The following ST8SIA1 variants were observed in gnomAD, a reference collection of about 807,000 sequenced individuals.
ST8SIA1 encodes alpha-N-acetylneuraminide alpha-2,8-sialyltransferase.
A neutral mutation model predicts 35.9 loss-of-function variants in ST8SIA1; 16 were observed. The observed-to-expected ratio is 0.45, with a 90% CI of 0.30 to 0.68. The LOEUF is 0.68. ST8SIA1 is among the 30% of genes least tolerant of loss of function. The pLI, the probability that ST8SIA1 is intolerant of heterozygous loss-of-function variation, is 0.09. For synonymous variants in ST8SIA1, 170 were observed against 169.6 expected (o/e 1.00, Z -0.02); for missense variants, 383 against 453.6 (o/e 0.84, Z 1.41).
intron 4 of ST8SIA1, among the ~76,000 whole-genome samples, chr12:22,235,045 G>A (rs1448729233): frequency 6.6e-6 from 1 of 152,154 alleles, no homozygotes; most frequent in Non-Finnish European, 1.5e-5. Flanking sequence ...GCACGTGTGT[G>A]AGCGCATGTA....
In ST8SIA1 at chr12:22,260,874, G is replaced by GTTT. The variant is rs757887864; in HGVS notation, c.382-5488_382-5486dup. On this transcript the variant is annotated intron_variant, in intron 2 of 4. Transcript: ENST00000396037. Reference sequence around the variant, plus strand: ...AATTTCAAAGATTTATATAGTTGTTGTTTTTTTTTTTTTTTTTTTTGAGAC... The same window carrying GTTT: ...AATTTCAAAGATTTATATAGTTGTTGTTTTTTTTTTTTTTTTTTTTTTTGAGAC... Among the ~76,000 whole-genome samples, 384 of 114,244 alleles carry GTTT rather than the reference G, an allele frequency of 3.4e-3. 1 individual carries two copies. Among genetic ancestry groups the GTTT allele is most frequent in the East Asian group, 5.7e-3 (21 of 3,708 alleles). The allele number at this position is 114,244 out of a possible 152,430, so 74.9% of individuals were successfully genotyped here.
intron 4 of ST8SIA1, among the ~76,000 whole-genome samples, chr12:22,210,222 CATAAAAG>C (rs1298995965): frequency 6.6e-6 from 1 of 151,822 alleles, no homozygotes; most frequent in Non-Finnish European, 1.5e-5. Flanking sequence ...ATATACATAT[CATAAAAG>C]ATAAAGATAG....
chr12:22,234,362 T>G (rs116739939), intron 4 of ST8SIA1, among the ~76,000 whole-genome samples: 1,546 of 152,310 alleles, frequency 0.01, 21 homozygotes, highest in African/African-American at 0.035. Context: ...AGTCCTGTAC[T>G]AGTCTCTTCT....
At chr12:22,226,088 A>G (rs1865354460) in intron 4 of ST8SIA1, among the ~76,000 whole-genome samples, 1 of 152,200 alleles carries the variant, frequency 6.6e-6, no homozygotes, top group Non-Finnish European at 1.5e-5. Flanking sequence ...TTTGACTCTC[A>G]GCTGTAGTGC....
rs1245722671 is a variant in ST8SIA1 at position 22,194,242 on chromosome 12, T to G, written c.*7310A>C. 6.6e-6 allele frequency: 1 copy of G among 152,148 alleles called. No individual in the cohort carries two copies. The highest frequency in any genetic ancestry group is 1.5e-5 in the Non-Finnish European group (1 of 68,036). 9.4% of individuals were successfully genotyped at this position (152,148 alleles called of 1,614,324 possible). On this transcript the variant is annotated 3_prime_UTR_variant, in exon 5 of 5. Transcript: ENST00000396037. Reference sequence around the variant, plus strand: ...GTGCTCAAGACTGAATGATAAACAGTGACAGATTGATTCCTTGCTTCCGGT... The same window carrying G: ...GTGCTCAAGACTGAATGATAAACAGGGACAGATTGATTCCTTGCTTCCGGT...
At chr12:22,245,119 G>A (rs939437498) in intron 4 of ST8SIA1, among the ~76,000 whole-genome samples, 3 of 151,908 alleles carry the variant, frequency 2.0e-5, no homozygotes, top group Admixed American at 6.6e-5. Context: ...TGCTATTCTC[G>A]GCATATTTCT....
chr12:22,288,549 T>C (rs1482674927), intron 1 of ST8SIA1, among the ~76,000 whole-genome samples: 1 of 152,194 alleles, frequency 6.6e-6, no homozygotes, highest in Non-Finnish European at 1.5e-5. Flanking sequence ...CCCCGCGGTG[T>C]GGGCAAGCTT....
At chr12:22,325,923 T>C (rs1866672258) in intron 1 of ST8SIA1, 9 of 693,902 alleles carry the variant, frequency 1.3e-5, no homozygotes, top group Middle Eastern at 2.3e-4. Context: ...GTGTCAACAG[T>C]GTGGAGACGC....
rs1186641062 is a variant in ST8SIA1 at position 22,218,238 on chromosome 12, T to C, written c.585-16200A>G. Among the ~76,000 whole-genome samples the C allele has an allele frequency of 4.0e-5, 6 of 148,272 alleles. No individual in the cohort carries two copies. In the East Asian group the frequency reaches 6.1e-4, roughly 15 times the overall value. On this transcript the variant is annotated intron_variant, in intron 4 of 4. Transcript: ENST00000396037. ...ACTCAGGAGGCTGAGACACAAGAAT[T>C]GCTTGAACCTGGGAGGCAGAGGTTG...
At chr12:22,255,461 C>A (rs1865719438) in intron 2 of ST8SIA1, 72 bp from the exon 3 acceptor site, 2 of 1,304,948 alleles carry the variant, frequency 1.5e-6, no homozygotes, top group Non-Finnish European at 2.2e-6. Flanking sequence ...TTGTTTACAG[C>A]AGACCCTTTG....
chr12:22,317,337 A>G (rs1324871124), intron 1 of ST8SIA1, among the ~76,000 whole-genome samples: 2 of 152,240 alleles, frequency 1.3e-5, no homozygotes, highest in Non-Finnish European at 1.5e-5. Flanking sequence ...GATATAACAA[A>G]TTACCACAAA....
At chr12:22,224,800 T>C (rs988714050) in intron 4 of ST8SIA1, among the ~76,000 whole-genome samples, 1 of 152,206 alleles carries the variant, frequency 6.6e-6, no homozygotes, top group African/African-American at 2.4e-5. Context: ...AATCTTTCTC[T>C]TGGGTCAAAT....
At chr12:22,301,858 C>A (rs1866321946) in intron 1 of ST8SIA1, among the ~76,000 whole-genome samples, 1 of 152,090 alleles carries the variant, frequency 6.6e-6, no homozygotes, top group African/African-American at 2.4e-5. Flanking sequence ...AGTAATTCAT[C>A]CAACTCATAG....
At position 22,198,547 on chromosome 12, in the gene ST8SIA1, A is replaced by ACACACACACACACACACACACT. The variant is rs1454888011; in HGVS notation, c.*2983_*3004dup. 1.3e-5 allele frequency: 2 copies of ACACACACACACACACACACACT among 152,756 alleles called. No homozygotes were observed. Among genetic ancestry groups the ACACACACACACACACACACACT allele is most frequent in the Admixed American group, 6.6e-5 (1 of 15,212 alleles). 9.5% of individuals were successfully genotyped at this position (152,756 alleles called of 1,614,324 possible). ...TACACACACACACACACACACACAC[A>ACACACACACACACACACACACT]CACACACACACACACACACACTCCT... is the stretch of plus-strand genomic sequence containing the variant. On this transcript the variant is annotated 3_prime_UTR_variant, in exon 5 of 5. Coordinates refer to ENST00000396037, the MANE Select transcript of ST8SIA1 (RefSeq NM_003034.4).
chr12:22,197,926 G>A lies in ST8SIA1; in HGVS notation c.*3626C>T, dbSNP rs1865007423. On this transcript the variant is annotated 3_prime_UTR_variant, in exon 5 of 5. Coordinates refer to ENST00000396037, the MANE Select transcript of ST8SIA1 (RefSeq NM_003034.4). ...TGTATGAGAATTATGCAGTTTAGAT[G>A]TGCAATTTTGTATAAACTTTTGGCA... 1.3e-5 allele frequency: 2 copies of A among 152,118 alleles called. No homozygotes were observed. The highest frequency in any genetic ancestry group is 4.2e-4 in the South Asian group (2 of 4,816). The allele number at this position is 152,118 out of a possible 1,614,324, so 9.4% of individuals were successfully genotyped here. A position where few individuals can be genotyped will look rare whatever the true frequency, so the allele number is the denominator to read the frequency against.
chr12:22,297,429 T>G (rs1157972726), intron 1 of ST8SIA1, among the ~76,000 whole-genome samples: 1 of 151,524 alleles, frequency 6.6e-6, no homozygotes, highest in Non-Finnish European at 1.5e-5. Flanking sequence ...TCTTTCATGA[T>G]TCATGGCATA....
chr12:22,255,858 G>A (rs1865723474), intron 2 of ST8SIA1, among the ~76,000 whole-genome samples: 1 of 152,116 alleles, frequency 6.6e-6, no homozygotes. Flanking sequence ...AGATACATGT[G>A]GACAGAAGTC....
At chr12:22,268,407 C>A (rs1865871938) in intron 2 of ST8SIA1, 1 of 152,188 alleles carries the variant, frequency 6.6e-6, no homozygotes, top group Non-Finnish European at 1.5e-5. Context: ...GAGACTGTGG[C>A]AAACAAAGGG....
At chr12:22,311,828 A>C (rs1866452659) in intron 1 of ST8SIA1, among the ~76,000 whole-genome samples, 1 of 152,210 alleles carries the variant, frequency 6.6e-6, no homozygotes, top group Admixed American at 6.5e-5. Flanking sequence ...TAGTTTATGT[A>C]GGAGATTAAT....
Sources: allele counts gnomAD v4.1 joint callset (sites outside exome capture counted in the v4.1 genomes callset), GRCh38; gene constraint gnomAD v4.1.1; transcripts MANE v1.5; gene names NCBI Gene and HGNC (gene_info 2026-07-23, HGNC 2026-07-21).